The following TSPAN12 variants were observed in gnomAD, a reference collection of about 807,000 sequenced individuals.
The protein encoded by TSPAN12 is tetraspanin-12.
A neutral mutation model predicts 39.2 loss-of-function variants in TSPAN12; 19 were observed. The observed-to-expected ratio is 0.49, with a 90% CI of 0.34 to 0.71. TSPAN12 has a LOEUF of 0.71. Among genes scored for constraint, TSPAN12 ranks in the 30% least tolerant of loss-of-function variants. The pLI is 0.01. For missense variants in TSPAN12, 314 were observed against 359.9 expected (o/e 0.87, Z 1.03); for synonymous variants, 119 against 124.8 (o/e 0.95, Z 0.31).
chr7:120,792,192 C>T (rs1793540152), intron 7 of TSPAN12, among the ~76,000 whole-genome samples: 2 of 152,184 alleles, frequency 1.3e-5, no homozygotes, highest in Admixed American at 1.3e-4. Flanking sequence ...GGCAGCCTAG[C>T]CGCCACCAGA....
At chr7:120,796,025 G>A (rs538510485) in intron 7 of TSPAN12, among the ~76,000 whole-genome samples, 36 of 152,060 alleles carry the variant, frequency 2.4e-4, no homozygotes, top group African/African-American at 6.7e-4. Flanking sequence ...GTAGAATAAC[G>A]AAATGTAAAA....
chr7:120,808,783 C>G (rs899727678), intron 6 of TSPAN12, among the ~76,000 whole-genome samples: 1 of 152,036 alleles, frequency 6.6e-6, no homozygotes, highest in African/African-American at 2.4e-5. Context: ...AAGTTGCTTT[C>G]TGCAATACAG....
chr7:120,810,652 ACACG>A (rs1441069318), intron 5 of TSPAN12, 82 bp from the exon 6 acceptor site: 463 of 783,736 alleles, frequency 5.9e-4, no homozygotes, highest in Admixed American at 1.7e-3. Flanking sequence ...ACACACACAC[ACACG>A]TACACACGCA....
chr7:120,856,690 T>G lies in TSPAN12; in HGVS notation c.66+8A>C. On this transcript the variant is annotated splice_region_variant and intron_variant, in intron 2 of 7. Coordinates refer to ENST00000222747, the MANE Select transcript of TSPAN12 (RefSeq NM_012338.4). ...TTCCCACCTGTTGGTGCAGTGAAAC[T>G]TACTTACCCAAAAGAGCAGATTGAG... The G allele has an allele frequency of 6.2e-7, 1 of 1,614,136 alleles. No individual in the cohort carries two copies. The highest frequency in any genetic ancestry group is 2.2e-5 in the East Asian group (1 of 44,876).
chr7:120,854,496 C>G (rs1794833234), intron 2 of TSPAN12, among the ~76,000 whole-genome samples: 1 of 152,164 alleles, frequency 6.6e-6, no homozygotes, highest in Non-Finnish European at 1.5e-5. Context: ...CCTCACAACT[C>G]TAAAAGATAG....
chr7:120,790,548 TG>T (rs1220387157), intron 7 of TSPAN12, among the ~76,000 whole-genome samples: 7 of 152,146 alleles, frequency 4.6e-5, no homozygotes, highest in Non-Finnish European at 1.5e-5. Context: ...CAGATATTAA[TG>T]GAAAAGTACG....
At chr7:120,854,081 GGTA>G (rs1794824076) in intron 2 of TSPAN12, among the ~76,000 whole-genome samples, 1 of 152,082 alleles carries the variant, frequency 6.6e-6, no homozygotes, top group Non-Finnish European at 1.5e-5. Context: ...CCTGCTCACT[GGTA>G]GTAGGGTAGG....
At chr7:120,818,742 T>A (rs933061815) in intron 4 of TSPAN12, among the ~76,000 whole-genome samples, 1 of 152,140 alleles carries the variant, frequency 6.6e-6, no homozygotes, top group African/African-American at 2.4e-5. Flanking sequence ...GGGGCTCTCA[T>A]TTTGTAAGCT....
intron 4 of TSPAN12, among the ~76,000 whole-genome samples, chr7:120,827,827 TA>T (rs1182471038): frequency 5.3e-5 from 8 of 152,206 alleles, no homozygotes; most frequent in Non-Finnish European, 8.8e-5. Context: ...ACTAGTTGTT[TA>T]AGAAAAGTCT....
intron 2 of TSPAN12, among the ~76,000 whole-genome samples, chr7:120,848,721 T>C (rs748212173): frequency 1.3e-5 from 2 of 152,150 alleles, no homozygotes; most frequent in Non-Finnish European, 2.9e-5. Context: ...CCTTACTCTA[T>C]AGTAAACAAG....
intron 7 of TSPAN12, among the ~76,000 whole-genome samples, chr7:120,793,666 T>C (rs553525819): frequency 6.6e-6 from 1 of 152,342 alleles, no homozygotes; most frequent in South Asian, 2.1e-4. Context: ...CAACTACAAG[T>C]TGTCTAAAAG....
intron 7 of TSPAN12, among the ~76,000 whole-genome samples, chr7:120,799,251 A>C (rs1283267712): frequency 6.6e-6 from 1 of 151,714 alleles, no homozygotes; most frequent in African/African-American, 2.4e-5. Context: ...TGTCTGGGAA[A>C]AAAAATAGTT....
chr7:120,804,924 A>G (rs887873784), intron 7 of TSPAN12, among the ~76,000 whole-genome samples: 2 of 152,108 alleles, frequency 1.3e-5, no homozygotes, highest in African/African-American at 4.8e-5. Context: ...GCACACCACC[A>G]GAAGCTAGGG....
rs1384182382 is a variant in TSPAN12 at position 120,830,758 on chromosome 7, CA to C, written c.285+8018del. On this transcript the variant is annotated intron_variant, in intron 4 of 7. Transcript: ENST00000222747. Reference sequence around the variant, plus strand: ...GAGCAATGATTTTTTAATATGACCCCAAAGTCACAGACAGAAAAAAAGCAGA... The same window carrying C: ...GAGCAATGATTTTTTAATATGACCCCAAGTCACAGACAGAAAAAAAGCAGA... Among the ~76,000 whole-genome samples, 108 of 151,986 alleles carry C rather than the reference CA, an allele frequency of 7.1e-4. 1 individual carries two copies. Among genetic ancestry groups the C allele is most frequent in the Non-Finnish European group, 2.1e-4 (14 of 67,882 alleles).
intron 7 of TSPAN12, among the ~76,000 whole-genome samples, chr7:120,806,278 G>A (rs1458369595): frequency 1.3e-5 from 2 of 152,112 alleles, no homozygotes; most frequent in African/African-American, 4.8e-5. Flanking sequence ...GGATCCCCAA[G>A]CAGTAGGAAC....
intron 4 of TSPAN12, among the ~76,000 whole-genome samples, chr7:120,816,279 G>A (rs1794080758): frequency 6.6e-6 from 1 of 151,788 alleles, no homozygotes; most frequent in Non-Finnish European, 1.5e-5. Flanking sequence ...AACTACTGTT[G>A]ACACTTTCTA....
chr7:120,794,050 C>T (rs1793583902), intron 7 of TSPAN12, among the ~76,000 whole-genome samples: 1 of 152,232 alleles, frequency 6.6e-6, no homozygotes, highest in Non-Finnish European at 1.5e-5. Flanking sequence ...CAGTAACTGT[C>T]TGTCTTCATG....
chr7:120,825,842 T>C (rs1321073531), intron 4 of TSPAN12, among the ~76,000 whole-genome samples: 2 of 152,202 alleles, frequency 1.3e-5, no homozygotes, highest in Admixed American at 6.5e-5. Context: ...GTTTTAGCTA[T>C]AGCAGACACA....
chr7:120,788,030 T>A lies in TSPAN12; in HGVS notation c.*562A>T. On this transcript the variant is annotated 3_prime_UTR_variant, in exon 8 of 8. Transcript: ENST00000222747. ...AATCCCTGATCAGCTTAAGACAATGTGTTAGCTTGCTCTTTTAAGTGGTAA... is the reference window on the plus strand; with the variant it reads ...AATCCCTGATCAGCTTAAGACAATGAGTTAGCTTGCTCTTTTAAGTGGTAA... 1 of 162,714 alleles carries A rather than the reference T, an allele frequency of 6.1e-6. No homozygotes were observed. Among genetic ancestry groups the A allele is most frequent in the Non-Finnish European group, 1.3e-5 (1 of 74,272 alleles). The allele number at this position is 162,714 out of a possible 1,614,324, so 10.1% of individuals were successfully genotyped here.
Sources: allele counts gnomAD v4.1 joint callset (sites outside exome capture counted in the v4.1 genomes callset), GRCh38; gene constraint gnomAD v4.1.1; transcripts MANE v1.5; gene names NCBI Gene and HGNC (gene_info 2026-07-23, HGNC 2026-07-21).